RABGAP1: variants seen among roughly 807,000 people sequenced by gnomAD.
The protein encoded by RABGAP1 is RAB GTPase activating protein 1.
Under a neutral mutation model 137.6 loss-of-function variants are expected in RABGAP1, and 23 were observed. That is an observed-to-expected ratio of 0.17 (90% CI 0.12 to 0.24). RABGAP1 has a LOEUF of 0.24. Ranked by LOEUF, RABGAP1 falls within the 10% of genes least tolerant of loss-of-function variation. The pLI is 1.00. For missense variants in RABGAP1, 906 were observed against 1,275.8 expected, an observed-to-expected ratio of 0.71 and a Z score of 4.42; for synonymous variants, 451 against 450.7, an observed-to-expected ratio of 1.00 and a Z score of -0.01.
chr9:123,058,486 A>G (rs1353123281), intron 13 of RABGAP1, among the ~76,000 whole-genome samples: 2 of 152,206 alleles, frequency 1.3e-5, no homozygotes, highest in Admixed American at 6.5e-5. Flanking sequence ...AAAGCAAAAC[A>G]ATTTTATTAA....
intron 10 of RABGAP1, among the ~76,000 whole-genome samples, chr9:123,000,878 C>A (rs572202965): frequency 6.6e-6 from 1 of 152,176 alleles, no homozygotes; most frequent in East Asian, 1.9e-4. Context: ...TTCTTTTCAA[C>A]ATAATAGTAG....
intron 13 of RABGAP1, among the ~76,000 whole-genome samples, chr9:123,047,761 A>G (rs1233832730): frequency 6.6e-6 from 1 of 152,052 alleles, no homozygotes; most frequent in African/African-American, 2.4e-5. Context: ...GCCTTTGAAT[A>G]TGGGTGTGAA....
chr9:123,012,727 C>T (rs1232302372), intron 11 of RABGAP1, among the ~76,000 whole-genome samples: 1 of 152,174 alleles, frequency 6.6e-6, no homozygotes, highest in Admixed American at 6.5e-5. Context: ...TATACCACAA[C>T]ATCTGATATG....
rs370928646 is a variant in RABGAP1, at chr9:122,953,159, A to G, written c.-49-3852A>G. 3.9e-5 allele frequency among the ~76,000 whole-genome samples: 6 copies of G among 152,378 alleles called. No homozygotes were observed. In the South Asian group the frequency reaches 1.0e-3, roughly 26 times the overall value. Reference sequence around the variant, plus strand: ...ACATAAGCCAAGAAGTAGAGATAGTATAAGTATTTTAATTTGGATTACTTA... The same window carrying G: ...ACATAAGCCAAGAAGTAGAGATAGTGTAAGTATTTTAATTTGGATTACTTA... On this transcript the variant is annotated intron_variant, in intron 1 of 25. Transcript: ENST00000373647.
At chr9:123,032,721 A>C (rs565090077) in intron 13 of RABGAP1, among the ~76,000 whole-genome samples, 5 of 152,222 alleles carry the variant, frequency 3.3e-5, no homozygotes, top group Admixed American at 3.3e-4. Flanking sequence ...TAAAGATACT[A>C]AAATTACACA....
chr9:122,974,169 C>T (rs1193094189), intron 2 of RABGAP1, among the ~76,000 whole-genome samples: 1 of 152,070 alleles, frequency 6.6e-6, no homozygotes, highest in Non-Finnish European at 1.5e-5. Flanking sequence ...TGATACAATT[C>T]ATCATGTACT....
intron 2 of RABGAP1, among the ~76,000 whole-genome samples, chr9:122,967,827 A>G (rs564635881): frequency 8.0e-4 from 121 of 151,694 alleles, no homozygotes; most frequent in Non-Finnish European, 1.6e-3. Context: ...TCCGGGTTCA[A>G]GTGATTCTCC....
chr9:122,989,586 A>C, intron 5 of RABGAP1, 115 bp downstream of exon 5: 1 of 1,200,466 alleles, frequency 8.3e-7, no homozygotes, highest in Non-Finnish European at 1.2e-6. Context: ...ATTCTCTGCT[A>C]TTGTTTTAGT....
chr9:122,971,311 A>G (rs774813924), intron 2 of RABGAP1, among the ~76,000 whole-genome samples: 1 of 152,166 alleles, frequency 6.6e-6, no homozygotes, highest in Non-Finnish European at 1.5e-5. Context: ...ATGTTCCTTG[A>G]TTGATAATAC....
intron 6 of RABGAP1, among the ~76,000 whole-genome samples, chr9:122,991,823 C>T (rs1425404995): frequency 3.3e-5 from 5 of 151,770 alleles, no homozygotes; most frequent in African/African-American, 1.2e-4. Context: ...CCAGGTTGGT[C>T]TTGAACTCGT....
chr9:123,008,012 T>C (rs2030455524), intron 10 of RABGAP1, among the ~76,000 whole-genome samples: 1 of 151,116 alleles, frequency 6.6e-6, no homozygotes. Flanking sequence ...ATTTAACATA[T>C]ATAATTCAAA....
At chr9:123,035,635 T>A in intron 13 of RABGAP1, 3 of 1,327,344 alleles carry the variant, frequency 2.3e-6, no homozygotes, top group Non-Finnish European at 3.1e-6. Flanking sequence ...AGTTACGGGG[T>A]TCCCGTGTGT....
chr9:122,991,010 G>C (rs1836696034), intron 6 of RABGAP1, among the ~76,000 whole-genome samples: 1 of 151,046 alleles, frequency 6.6e-6, no homozygotes, highest in South Asian at 2.1e-4. Flanking sequence ...TAAGGTCTGT[G>C]TCTGAAGTCT....
At chr9:122,954,428 A>C (rs1218406358) in intron 1 of RABGAP1, among the ~76,000 whole-genome samples, 1 of 152,248 alleles carries the variant, frequency 6.6e-6, no homozygotes, top group African/African-American at 2.4e-5. Context: ...CAAATAATAA[A>C]GTATTTTATA....
chr9:122,978,332 T>C (rs1453813538), intron 2 of RABGAP1, among the ~76,000 whole-genome samples: 3 of 152,216 alleles, frequency 2.0e-5, no homozygotes, highest in Non-Finnish European at 2.9e-5. Flanking sequence ...TTTGTCCATG[T>C]TATTGTGTGT....
intron 13 of RABGAP1, among the ~76,000 whole-genome samples, chr9:123,028,175 G>T (rs181710155): frequency 5.3e-5 from 8 of 152,122 alleles, no homozygotes; most frequent in Non-Finnish European, 1.5e-5. Context: ...ACCATGCTGG[G>T]GTTTTACTTG....
At chr9:123,082,588 T>C (rs528149895) in intron 19 of RABGAP1, among the ~76,000 whole-genome samples, 10 of 152,338 alleles carry the variant, frequency 6.6e-5, no homozygotes, top group Admixed American at 6.5e-4. Context: ...GACCCAAGAA[T>C]CATGCTCTAA....
intron 10 of RABGAP1, among the ~76,000 whole-genome samples, chr9:123,000,862 C>T (rs1483764521): frequency 1.3e-5 from 2 of 151,850 alleles, no homozygotes; most frequent in African/African-American, 4.8e-5. Context: ...TTTGTCCCCT[C>T]TTGATTTCTT....
intron 13 of RABGAP1, among the ~76,000 whole-genome samples, chr9:123,051,129 T>C (rs1267687201): frequency 6.7e-6 from 1 of 149,740 alleles, no homozygotes; most frequent in African/African-American, 2.5e-5. Context: ...TTTTTTAGGA[T>C]CTGAAATGGT....
Sources: gnomAD v4.1 joint callset for allele counts (sites outside exome capture counted in the v4.1 genomes callset) on GRCh38, gnomAD v4.1.1 for gene constraint, MANE v1.5 for transcripts, NCBI Gene and HGNC (gene_info 2026-07-23, HGNC 2026-07-21) for gene names.